The following SGCD variants were observed in gnomAD, a reference collection of about 807,000 sequenced individuals.
The protein encoded by SGCD is delta-sarcoglycan.
SGCD carries 18 observed loss-of-function variants against 36.6 expected under a neutral mutation model. The observed-to-expected ratio is 0.49, with a 90% CI of 0.34 to 0.73. SGCD has a LOEUF of 0.73. Among genes scored for constraint, SGCD ranks in the 30% least tolerant of loss-of-function variants. The pLI is 0.01. For missense variants in SGCD, 387 were observed against 346.7 expected (o/e 1.12, Z -0.92); for synonymous variants, 133 against 130.6 (o/e 1.02, Z -0.12).
intron 6 of SGCD, among the ~76,000 whole-genome samples, chr5:156,604,534 G>A (rs144184108): frequency 5.3e-5 from 8 of 151,680 alleles, no homozygotes; most frequent in African/African-American, 1.7e-4. Context: ...TGGGGCTAAC[G>A]TGAAGTCTTA....
chr5:156,707,544 A>T (rs1436267215), intron 7 of SGCD, among the ~76,000 whole-genome samples: 1 of 152,300 alleles, frequency 6.6e-6, no homozygotes, highest in South Asian at 2.1e-4. Context: ...GAAGGATACA[A>T]GAAAATAGAA....
At chr5:156,185,855 A>ATAT (rs1763741002) in intron 3 of SGCD, among the ~76,000 whole-genome samples, 1 of 1,878 alleles carries the variant, frequency 5.3e-4, no homozygotes, top group African/African-American at 6.6e-4. Context: ...ATATATAGAG[A>ATAT]GAGAGAGAGA....
At chr5:155,879,951 AT>A (rs1336687092) in intron 1 of SGCD, among the ~76,000 whole-genome samples, 3 of 152,088 alleles carry the variant, frequency 2.0e-5, no homozygotes, top group Non-Finnish European at 2.9e-5. Flanking sequence ...TTTTATTGTT[AT>A]TTTTTGTTTC....
At chr5:156,269,235 C>T (rs1253122399) in intron 3 of SGCD, among the ~76,000 whole-genome samples, 10 of 151,748 alleles carry the variant, frequency 6.6e-5, no homozygotes, top group South Asian at 4.2e-4. Context: ...TTTGGGAGTC[C>T]GAGACAGGCA....
At chr5:156,288,856 A>T (rs1204405887) in intron 3 of SGCD, among the ~76,000 whole-genome samples, 1 of 152,024 alleles carries the variant, frequency 6.6e-6, no homozygotes. Flanking sequence ...CCACTTTCTG[A>T]CTTTATGCCA....
chr5:155,827,834 A>G, the SGCD span, among the ~76,000 whole-genome samples: 8 of 134,960 alleles, frequency 5.9e-5, no homozygotes, highest in African/African-American at 2.2e-4. Flanking sequence ...ATGCACCACC[A>G]CACCTGGCTA....
At chr5:155,905,827 A>G (rs111327524) in intron 1 of SGCD, among the ~76,000 whole-genome samples, 7,457 of 152,100 alleles carry the variant, frequency 0.049, 588 homozygotes, top group African/African-American at 0.16. Context: ...TGTAAGAAGT[A>G]CCTTTCACCT....
intron 3 of SGCD, among the ~76,000 whole-genome samples, chr5:156,199,152 T>A (rs61580529): frequency 0.013 from 1,987 of 152,270 alleles, 48 homozygotes; most frequent in African/African-American, 0.046. Context: ...CTGTAGAGTC[T>A]GTACATGGTC....
intron 1 of SGCD, among the ~76,000 whole-genome samples, chr5:155,980,694 C>T (rs186295287): frequency 7.1e-6 from 1 of 141,252 alleles, no homozygotes; most frequent in East Asian, 2.2e-4. Flanking sequence ...ATGGACTGCA[C>T]AGGTGAACTT....
chr5:156,672,044 C>G (rs1341882389), intron 7 of SGCD, among the ~76,000 whole-genome samples: 1 of 152,150 alleles, frequency 6.6e-6, no homozygotes, highest in Non-Finnish European at 1.5e-5. Context: ...GGCCCTGCCT[C>G]CATCACTGGG....
At chr5:155,946,131 A>G (rs1452610099) in intron 1 of SGCD, among the ~76,000 whole-genome samples, 1 of 152,164 alleles carries the variant, frequency 6.6e-6, no homozygotes, top group Non-Finnish European at 1.5e-5. Flanking sequence ...TGGGGTAAGA[A>G]ATGCTGGATT....
At chr5:156,478,954 G>C (rs1306807040) in intron 3 of SGCD, among the ~76,000 whole-genome samples, 2 of 152,012 alleles carry the variant, frequency 1.3e-5, no homozygotes, top group African/African-American at 4.8e-5. Context: ...TCCTCTGATT[G>C]TCTTTCACCT....
chr5:156,363,692 C>T (rs2127733124), intron 3 of SGCD, among the ~76,000 whole-genome samples: 3 of 152,320 alleles, frequency 2.0e-5, no homozygotes, highest in Admixed American at 2.0e-4. Context: ...ATGCCTAATT[C>T]TAAGAAATTA....
At chr5:155,766,363 C>G in the SGCD span, among the ~76,000 whole-genome samples, 1 of 152,088 alleles carries the variant, frequency 6.6e-6, no homozygotes, top group Non-Finnish European at 1.5e-5. Flanking sequence ...TCAATGGCAG[C>G]TGTCTATAGC....
intron 1 of SGCD, among the ~76,000 whole-genome samples, chr5:156,054,968 G>A (rs10078987): frequency 0.02 from 2,961 of 145,992 alleles, 265 homozygotes; most frequent in African/African-American, 0.068. Context: ...CACTCATTCA[G>A]TTTATAGGTG....
At chr5:156,533,278 A>G (rs1272109932) in intron 4 of SGCD, among the ~76,000 whole-genome samples, 1 of 152,110 alleles carries the variant, frequency 6.6e-6, no homozygotes. Flanking sequence ...CAGATCTCCT[A>G]AATTGTACCA....
At chr5:155,742,469 A>G in the SGCD span, among the ~76,000 whole-genome samples, 1 of 152,234 alleles carries the variant, frequency 6.6e-6, no homozygotes, top group Admixed American at 6.5e-5. Context: ...TTGATAAACT[A>G]TTAAATGTGA....
At chr5:156,052,035 G>A (rs1208824341) in intron 1 of SGCD, among the ~76,000 whole-genome samples, 3 of 146,304 alleles carry the variant, frequency 2.1e-5, no homozygotes, top group Non-Finnish European at 4.6e-5. Flanking sequence ...TAAAGGGTAA[G>A]TAAAGCAGGA....
intron 1 of SGCD, among the ~76,000 whole-genome samples, chr5:155,966,577 C>T (rs1205770847): frequency 6.6e-6 from 1 of 152,126 alleles, no homozygotes; most frequent in African/African-American, 2.4e-5. Context: ...GTCTGAATCA[C>T]CTGCCAGCAT....
Sources: allele counts gnomAD v4.1 joint callset (sites outside exome capture counted in the v4.1 genomes callset), GRCh38; gene constraint gnomAD v4.1.1; transcripts MANE v1.5; gene names NCBI Gene and HGNC (gene_info 2026-07-23, HGNC 2026-07-21).